PLXDC2: variants seen among roughly 807,000 people sequenced by gnomAD.
The protein encoded by PLXDC2 is plexin domain-containing protein 2.
A neutral mutation model predicts 68.9 loss-of-function variants in PLXDC2; 40 were observed. The ratio of observed to expected loss-of-function variants is 0.58; its 90% CI spans 0.45 to 0.76. PLXDC2 has a LOEUF of 0.76. Among genes scored for constraint, PLXDC2 ranks in the 30% least tolerant of loss-of-function variants. The probability of loss-of-function intolerance (pLI) is 0.00; values close to 1 mark genes in which losing one functional copy is unlikely to be tolerated. For missense variants in PLXDC2, 644 were observed against 661.9 expected, an observed-to-expected ratio of 0.97 and a Z score of 0.30; for synonymous variants, 243 against 234.2, an observed-to-expected ratio of 1.04 and a Z score of -0.34.
chr10:20,192,426 C>T (rs958067278), intron 9 of PLXDC2, among the ~76,000 whole-genome samples: 1 of 152,072 alleles, frequency 6.6e-6, no homozygotes, highest in East Asian at 1.9e-4. Flanking sequence ...TTGCAAAGTG[C>T]ATAATTGACA....
At chr10:19,994,923 T>A (rs187902885) in intron 1 of PLXDC2, among the ~76,000 whole-genome samples, 1 of 152,084 alleles carries the variant, frequency 6.6e-6, no homozygotes, top group African/African-American at 2.4e-5. Flanking sequence ...TTTGTATTTT[T>A]AGTAGAGACG....
intron 10 of PLXDC2, among the ~76,000 whole-genome samples, chr10:20,212,189 A>G (rs1167224526): frequency 6.6e-6 from 1 of 151,992 alleles, no homozygotes; most frequent in Non-Finnish European, 1.5e-5. Flanking sequence ...GTTCTCTTAA[A>G]TGCTTGCTAT....
At chr10:20,061,632 A>G (rs1836105767) in intron 3 of PLXDC2, among the ~76,000 whole-genome samples, 1 of 152,178 alleles carries the variant, frequency 6.6e-6, no homozygotes, top group African/African-American at 2.4e-5. Flanking sequence ...CCTGCTTCTC[A>G]TTACACTTCT....
intron 12 of PLXDC2, 92 bp downstream of exon 12, chr10:20,219,194 A>G: frequency 7.6e-7 from 1 of 1,315,204 alleles, no homozygotes; most frequent in South Asian, 1.4e-5. Context: ...GGGCTTCTAG[A>G]TAAAAGGTGA....
chr10:20,110,534 G>A (rs911844358), intron 4 of PLXDC2, among the ~76,000 whole-genome samples: 4 of 152,030 alleles, frequency 2.6e-5, no homozygotes, highest in African/African-American at 9.7e-5. Context: ...TTTCTGTAAT[G>A]CCATCTTTCC....
chr10:20,162,909 C>CAAAAAAAAAAAAAAA (rs71390763), intron 6 of PLXDC2, among the ~76,000 whole-genome samples: 1 of 98,032 alleles, frequency 1.0e-5, no homozygotes. Context: ...ACTAAAAATA[C>CAAAAAAAAAAAAAAA]AAAAAAAAAA....
chr10:20,068,801 A>G (rs963789733), intron 4 of PLXDC2, among the ~76,000 whole-genome samples: 21 of 151,852 alleles, frequency 1.4e-4, no homozygotes, highest in African/African-American at 4.8e-4. Flanking sequence ...TTAAAATTTT[A>G]TTTTTCTCCA....
intron 3 of PLXDC2, among the ~76,000 whole-genome samples, chr10:20,050,082 A>G (rs1835865723): frequency 6.6e-6 from 1 of 152,146 alleles, no homozygotes; most frequent in African/African-American, 2.4e-5. Context: ...CAGACCTTCA[A>G]CAAACCTGAC....
intron 1 of PLXDC2, among the ~76,000 whole-genome samples, chr10:19,869,148 G>A (rs1242191245): frequency 6.6e-6 from 1 of 152,044 alleles, no homozygotes; most frequent in Non-Finnish European, 1.5e-5. Flanking sequence ...TGTAATCCCA[G>A]CACTTTGGGA....
Position 20,155,242 on chromosome 10 carries a change from G to A in PLXDC2, c.783+7340G>A, listed in dbSNP as rs182434790. Among the ~76,000 whole-genome samples the A allele has an allele frequency of 1.5e-3, 230 of 152,106 alleles. 1 individual carries two copies. Among genetic ancestry groups the A allele is most frequent in the Non-Finnish European group, 5.0e-4 (34 of 67,986 alleles). On this transcript the variant is annotated intron_variant, in intron 6 of 13. Coordinates refer to ENST00000377252, the MANE Select transcript of PLXDC2 (RefSeq NM_032812.9). ...AATGACCCTTCACTCATGGTTAGCC[G>A]CCTGAAAGTATTGAAAGATGAACAT...
At position 20,149,110 on chromosome 10, in the gene PLXDC2, G is replaced by A. The variant is rs143553052; in HGVS notation, c.783+1208G>A. Among the ~76,000 whole-genome samples, 9 of 150,746 alleles carry A rather than the reference G, an allele frequency of 6.0e-5. No individual in the cohort carries two copies. In the East Asian group the frequency reaches 1.8e-3, roughly 29 times the overall value. On this transcript the variant is annotated intron_variant, in intron 6 of 13. Transcript: ENST00000377252. ...TTTTATTTCAGGTTCAGGAGTACAT[G>A]TGTAGGTGTCTTATATAGGGAAACA...
At chr10:20,028,645 G>A (rs1453998664) in intron 2 of PLXDC2, among the ~76,000 whole-genome samples, 1 of 152,116 alleles carries the variant, frequency 6.6e-6, no homozygotes, top group African/African-American at 2.4e-5. Context: ...TCGTTTCTGA[G>A]TGCTCCTCTC....
intron 8 of PLXDC2, 116 bp downstream of exon 8, chr10:20,177,210 G>A: frequency 7.6e-7 from 1 of 1,318,704 alleles, no homozygotes; most frequent in Non-Finnish European, 1.1e-6. Context: ...TGTTTGGCAT[G>A]CATGGGCATT....
intron 1 of PLXDC2, among the ~76,000 whole-genome samples, chr10:19,927,245 G>A (rs12765810): frequency 0.23 from 35,293 of 152,104 alleles, 4,931 homozygotes; most frequent in South Asian, 0.35. Context: ...CAGTAAAACA[G>A]GGTAGGTTAT....
chr10:20,106,588 G>T (rs116496875), intron 4 of PLXDC2, among the ~76,000 whole-genome samples: 25 of 152,212 alleles, frequency 1.6e-4, no homozygotes, highest in African/African-American at 3.9e-4. Flanking sequence ...AGAACAGGAG[G>T]GGGGAGCTGT....
At chr10:19,848,817 A>C (rs989751074) in intron 1 of PLXDC2, among the ~76,000 whole-genome samples, 2 of 151,810 alleles carry the variant, frequency 1.3e-5, no homozygotes, top group Non-Finnish European at 2.9e-5. Context: ...GGGTTTTGGA[A>C]GGGGAGGATG....
chr10:19,875,996 C>G (rs1257821000), intron 1 of PLXDC2, among the ~76,000 whole-genome samples: 1 of 152,090 alleles, frequency 6.6e-6, no homozygotes, highest in Non-Finnish European at 1.5e-5. Flanking sequence ...ACCTTAGCAG[C>G]ATTTTTCTGG....
intron 2 of PLXDC2, among the ~76,000 whole-genome samples, chr10:20,013,216 C>T (rs1448174022): frequency 4.6e-5 from 7 of 152,144 alleles, no homozygotes; most frequent in Admixed American, 6.5e-5. Context: ...GCCTACATAG[C>T]GTCTATCTCT....
chr10:20,166,800 A>G lies in PLXDC2; in HGVS notation c.883+2233A>G, dbSNP rs186946718. 4.1e-3 allele frequency among the ~76,000 whole-genome samples: 617 copies of G among 152,276 alleles called. 6 individuals carry two copies. The highest frequency in any genetic ancestry group is 0.01 in the Middle Eastern group (3 of 294). On this transcript the variant is annotated intron_variant, in intron 7 of 13. Coordinates refer to ENST00000377252, the MANE Select transcript of PLXDC2 (RefSeq NM_032812.9). ...GGTATATTCCCAATGATAAAATTGT[A>G]CTTAGATATCAGGGCCCTAAAGTGT...
Sources: allele counts gnomAD v4.1 joint callset (sites outside exome capture counted in the v4.1 genomes callset), GRCh38; gene constraint gnomAD v4.1.1; transcripts MANE v1.5; gene names NCBI Gene and HGNC (gene_info 2026-07-23, HGNC 2026-07-21).